The following CLDN14 variants were observed in gnomAD, a reference collection of about 807,000 sequenced individuals.
CLDN14 encodes claudin-14.
CLDN14 carries 2 observed loss-of-function variants against 2.1 expected under a neutral mutation model. That is an observed-to-expected ratio of 0.96 (90% confidence interval 0.39 to 3.01). CLDN14 has a LOEUF of 3.01. CLDN14 is among the 30% of genes most tolerant of loss of function. CLDN14 has a pLI of 0.09. For synonymous variants in CLDN14, 136 were observed against 154.4 expected, an observed-to-expected ratio of 0.88 and a Z score of 0.88; for missense variants, 298 against 328.0, an observed-to-expected ratio of 0.91 and a Z score of 0.71.
At chr21:36,491,950 G>A (rs898030234) in intron 2 of CLDN14, among the ~76,000 whole-genome samples, 1 of 152,174 alleles carries the variant, frequency 6.6e-6, no homozygotes, top group African/African-American at 2.4e-5. Flanking sequence ...CAAAACTCAC[G>A]TCCACCCAGA....
At chr21:36,528,062 C>A (rs1209455603) in intron 1 of CLDN14, among the ~76,000 whole-genome samples, 1 of 152,148 alleles carries the variant, frequency 6.6e-6, no homozygotes, top group African/African-American at 2.4e-5. Flanking sequence ...TTAGTAATTT[C>A]TCTTCAATAT....
intron 1 of CLDN14, among the ~76,000 whole-genome samples, chr21:36,542,196 C>T (rs999362779): frequency 6.6e-6 from 1 of 152,138 alleles, no homozygotes; most frequent in Admixed American, 6.5e-5. Context: ...AACTACTGAC[C>T]TCATGATCCG....
rs1235009486 is a variant in CLDN14, at chr21:36,485,914, A to C, written c.-81-24138T>G. ...GCTGTAATGGTTACAGATAACACACATCTAACCCTATATTCTCTGCGTCCC... is the reference window on the plus strand; with the variant it reads ...GCTGTAATGGTTACAGATAACACACCTCTAACCCTATATTCTCTGCGTCCC... On this transcript the variant is annotated intron_variant, in intron 2 of 2. Coordinates refer to the CLDN14 transcript ENST00000342108. 4.4e-6 allele frequency: 4 copies of C among 902,820 alleles called. No homozygotes were observed. In the East Asian group the frequency reaches 1.0e-4, roughly 24 times the overall value. 55.9% of individuals were successfully genotyped at this position (902,820 alleles called of 1,614,324 possible).
chr21:36,482,412 G>GGATA (rs1412811634), upstream of CLDN14, among the ~76,000 whole-genome samples: 7 of 9,160 alleles, frequency 7.6e-4, no homozygotes, highest in Admixed American at 4.6e-3. Flanking sequence ...ATGGATAGAC[G>GGATA]GATGGATGGA....
chr21:36,484,118 C>T (rs147272285), upstream of CLDN14, among the ~76,000 whole-genome samples: 10 of 152,254 alleles, frequency 6.6e-5, no homozygotes, highest in African/African-American at 2.2e-4. Flanking sequence ...GATTTAGAAC[C>T]GTAGGCCTTG....
At chr21:36,509,290 G>C (rs541412431) in intron 2 of CLDN14, among the ~76,000 whole-genome samples, 2 of 152,228 alleles carry the variant, frequency 1.3e-5, no homozygotes, top group Non-Finnish European at 2.9e-5. Context: ...CCACAGGCTG[G>C]AGAACGCAAC....
chr21:36,538,980 A>G (rs1207060700), intron 1 of CLDN14, among the ~76,000 whole-genome samples: 1 of 152,220 alleles, frequency 6.6e-6, no homozygotes, highest in South Asian at 2.1e-4. Flanking sequence ...TTGCTTCTCA[A>G]CTAGGCCCGG....
intron 1 of CLDN14, among the ~76,000 whole-genome samples, chr21:36,535,997 T>A (rs937915675): frequency 6.6e-6 from 1 of 152,138 alleles, no homozygotes; most frequent in African/African-American, 2.4e-5. Context: ...TGCAACACCA[T>A]CTGTAAACGT....
At position 36,539,743 on chromosome 21, in the gene CLDN14, C is replaced by T. The variant is rs111166229; in HGVS notation, c.-219-29243G>A. 3.1e-3 allele frequency among the ~76,000 whole-genome samples: 419 copies of T among 133,744 alleles called. 4 individuals are homozygous for T. The highest frequency in any genetic ancestry group is 0.023 in the East Asian group (97 of 4,262). The allele number at this position is 133,744 out of a possible 152,430, so 87.7% of individuals were successfully genotyped here. ...AGTGTGTGTGGAGTGAGTATGTGTG[C>T]GGAGTGAGTATGTCTGCAGAGTGTG... On this transcript the variant is annotated intron_variant, in intron 1 of 2. Transcript: ENST00000342108.
chr21:36,541,377 C>A (rs1384657054), intron 1 of CLDN14, among the ~76,000 whole-genome samples: 1 of 151,998 alleles, frequency 6.6e-6, no homozygotes, highest in Non-Finnish European at 1.5e-5. Context: ...AGAACAAGAG[C>A]CAAGTAACAA....
At chr21:36,554,651 G>T (rs2087585838) in intron 1 of CLDN14, among the ~76,000 whole-genome samples, 1 of 152,180 alleles carries the variant, frequency 6.6e-6, no homozygotes, top group African/African-American at 2.4e-5. Flanking sequence ...TCTGAGGTCA[G>T]AGTCGGCATT....
chr21:36,496,152 C>T (rs57400206), intron 2 of CLDN14, among the ~76,000 whole-genome samples: 2,464 of 152,040 alleles, frequency 0.016, 88 homozygotes, highest in African/African-American at 0.056. Context: ...GGGTTTCTGC[C>T]GGGTGCAGTG....
In CLDN14 at chr21:36,566,913, A is replaced by T. The variant is rs1181193840; in HGVS notation, c.-220+9498T>A. Among the ~76,000 whole-genome samples, 3 of 152,220 alleles carry T rather than the reference A, an allele frequency of 2.0e-5. No individual in the cohort carries two copies. The East Asian group carries it at 5.8e-4, about 29-fold the overall frequency. On this transcript the variant is annotated intron_variant, in intron 1 of 2. Coordinates refer to the CLDN14 transcript ENST00000342108. ...GGAGGCCGGAAGACATCCGTCTGCC[A>T]TCGGGAAGAAGGAGGTGCTTGCGGC...
At chr21:36,492,717 G>T (rs965850452) in intron 2 of CLDN14, among the ~76,000 whole-genome samples, 1 of 152,250 alleles carries the variant, frequency 6.6e-6, no homozygotes, top group Admixed American at 6.5e-5. Flanking sequence ...AGGCATGGAA[G>T]AAGGAAGACA....
At chr21:36,466,197 CT>C (rs1336185475) in intron 1 of CLDN14, among the ~76,000 whole-genome samples, 5 of 152,210 alleles carry the variant, frequency 3.3e-5, no homozygotes, top group East Asian at 1.9e-4. Flanking sequence ...AGACACCCCC[CT>C]GCACCCCCTT....
At chr21:36,558,906 A>G (rs2087615694) in intron 1 of CLDN14, among the ~76,000 whole-genome samples, 2 of 152,090 alleles carry the variant, frequency 1.3e-5, no homozygotes, top group Admixed American at 6.5e-5. Flanking sequence ...TTTTATTTAT[A>G]TGTAATGTTT....
chr21:36,556,535 T>C (rs1042732658), intron 1 of CLDN14, among the ~76,000 whole-genome samples: 21 of 152,222 alleles, frequency 1.4e-4, no homozygotes, highest in Admixed American at 1.3e-4. Context: ...TGGCAAATTT[T>C]CTAACTCCCT....
intron 1 of CLDN14, among the ~76,000 whole-genome samples, chr21:36,550,248 A>G (rs764953006): frequency 7.1e-4 from 108 of 152,200 alleles, no homozygotes; most frequent in Non-Finnish European, 1.3e-3. Flanking sequence ...AGTTCGCTGC[A>G]TTAAATTAAA....
rs540479289 is a variant in CLDN14 at position 36,486,127 on chromosome 21, C to T, written c.-82+24236G>A. 1.1e-5 allele frequency: 15 copies of T among 1,314,592 alleles called. No homozygotes were observed. In the African/African-American group the frequency reaches 2.0e-4, roughly 18 times the overall value. 81.4% of individuals were successfully genotyped at this position (1,314,592 alleles called of 1,614,324 possible). On this transcript the variant is annotated intron_variant, in intron 2 of 2. Coordinates refer to the CLDN14 transcript ENST00000342108. The stretch of plus-strand genomic sequence containing the variant: ...GGACACTCTGAAGGAACTCAGGATC[C>T]TGCATCACGTCGTAATCATCCTCCT...
Sources: allele counts gnomAD v4.1 joint callset (sites outside exome capture counted in the v4.1 genomes callset), GRCh38; gene constraint gnomAD v4.1.1; transcripts MANE v1.5; gene names NCBI Gene and HGNC (gene_info 2026-07-23, HGNC 2026-07-21).